NOC3L: variants seen among roughly 807,000 people sequenced by gnomAD.
NOC3L encodes NOC3 like DNA replication regulator, also known as nucleolar complex protein 3 homolog.
NOC3L carries 85 observed loss-of-function variants against 102.5 expected under a neutral mutation model. That is an observed-to-expected ratio of 0.83 (90% confidence interval 0.70 to 0.99). The LOEUF is 0.99. Among genes scored for constraint, NOC3L ranks in the 50% least tolerant of loss-of-function variants. NOC3L has a pLI of 0.00. For missense variants in NOC3L, 878 were observed against 914.9 expected (o/e 0.96, Z 0.52); for synonymous variants, 303 against 309.4 (o/e 0.98, Z 0.22).
At chr10:94,350,413 A>C in intron 8 of NOC3L, 125 bp from the exon 9 acceptor site, 1 of 809,754 alleles carries the variant, frequency 1.2e-6, no homozygotes, top group Non-Finnish European at 2.0e-6. Context: ...CACACCCCTT[A>C]AAAAAAGACT....
chr10:94,350,399 T>G, intron 8 of NOC3L, 111 bp from the exon 9 acceptor site: 4 of 857,790 alleles, frequency 4.7e-6, no homozygotes, highest in Non-Finnish European at 5.6e-6. Context: ...CACACACACA[T>G]TCCCACACCC....
chr10:94,344,718 C>T lies in NOC3L; in HGVS notation c.1470+135G>A, dbSNP rs914702605. On this transcript the variant is annotated intron_variant, in intron 12 of 20. Transcript: ENST00000371361. ...TAGCACTGATCACATCACAGTTTCC[C>T]GCACATCACAAAAGTCACACATCTA... The T allele has an allele frequency of 3.2e-5, 23 of 714,104 alleles. No homozygotes were observed. The highest frequency in any genetic ancestry group is 4.4e-5 in the Non-Finnish European group (19 of 430,478). 44.2% of individuals were successfully genotyped at this position (714,104 alleles called of 1,614,324 possible).
the NOC3L span, among the ~76,000 whole-genome samples, chr10:94,320,124 C>G: frequency 3.3e-5 from 5 of 152,038 alleles, no homozygotes; most frequent in African/African-American, 4.8e-5. Context: ...TGTGAATTAC[C>G]TCTCAATCTT....
chr10:94,337,011 G>T (rs2054226736), intron 19 of NOC3L, among the ~76,000 whole-genome samples: 1 of 150,814 alleles, frequency 6.6e-6, no homozygotes, highest in Non-Finnish European at 1.5e-5. Flanking sequence ...GGAGGTTGCA[G>T]TGAGCCGAAA....
chr10:94,343,421 G>A lies in NOC3L; in HGVS notation c.1571+994C>T, dbSNP rs556009593. Among the ~76,000 whole-genome samples, 3 of 152,242 alleles carry A rather than the reference G, an allele frequency of 2.0e-5. No individual in the cohort carries two copies. The South Asian group carries it at 6.2e-4, about 32-fold the overall frequency. On this transcript the variant is annotated intron_variant, in intron 13 of 20. Transcript: ENST00000371361. ...AAACAGCAAGTCCTACACAATGTAG[G>A]AATAATCCCTTCTCTGACCAGCCTC...
rs774737462 is a variant in NOC3L, at chr10:94,350,242, C to G, written c.999G>C (p.Lys333Asn). The G allele has an allele frequency of 6.2e-7, 1 of 1,614,144 alleles. No individual in the cohort carries two copies. Among genetic ancestry groups the G allele is most frequent in the East Asian group, 2.2e-5 (1 of 44,884 alleles). ...KLKKSNVVSL[K>N]AYKGLAEVAV... ...CGACTTCTGCCAGTCCTTTGTATGC[C>G]TTTAAGGAAACTACATTACTTTTCT... The change falls in exon 9 of 21, where the codon AAG becomes AAC. Residue 333 changes from lysine to asparagine, a missense_variant. By Grantham distance (94) the Lys-to-Asn change is moderately conservative (BLOSUM62 0). Coordinates refer to ENST00000371361, the MANE Select transcript of NOC3L (RefSeq NM_022451.11).
chr10:94,335,030 A>C (rs1290317320), intron 19 of NOC3L, among the ~76,000 whole-genome samples: 1 of 152,232 alleles, frequency 6.6e-6, no homozygotes, highest in East Asian at 1.9e-4. Flanking sequence ...GCAACTAAGT[A>C]TATCTTAGTC....
At chr10:94,361,378 G>A in intron 2 of NOC3L, 1 of 389,194 alleles carries the variant, frequency 2.6e-6, no homozygotes, top group East Asian at 4.9e-5. Flanking sequence ...CAATATTTAT[G>A]TAACGGAGTA....
chr10:94,326,911 A>T, the NOC3L span, among the ~76,000 whole-genome samples: 2 of 152,190 alleles, frequency 1.3e-5, no homozygotes, highest in Non-Finnish European at 2.9e-5. Flanking sequence ...CTGTAATCCC[A>T]GCACTTTGGG....
chr10:94,315,492 T>G, the NOC3L span: 1 of 455,856 alleles, frequency 2.2e-6, no homozygotes, highest in East Asian at 6.9e-5. Context: ...GAAAATACAT[T>G]GGTAAAACTA....
At chr10:94,319,932 C>T in the NOC3L span, among the ~76,000 whole-genome samples, 6 of 137,450 alleles carry the variant, frequency 4.4e-5, no homozygotes, top group East Asian at 6.7e-4. Context: ...TGCAGTGGCG[C>T]GATCTCAGCT....
chr10:94,336,464 C>T (rs905116883), intron 19 of NOC3L, among the ~76,000 whole-genome samples: 1 of 151,956 alleles, frequency 6.6e-6, no homozygotes, highest in Non-Finnish European at 1.5e-5. Context: ...TCTCCTGCCT[C>T]AGCTTCCCAA....
In NOC3L at chr10:94,344,519, G is replaced by C. The variant is rs1037996897; in HGVS notation, c.1471-4C>G. ...CAATATTCAGAGTCTCTGTGTGCTG[G>C]CAGAGGAGACAGACAAAATGACTTT... On this transcript the variant is annotated splice_region_variant and splice_polypyrimidine_tract_variant and intron_variant, in intron 12 of 20. Transcript: ENST00000371361. 1.6e-5 allele frequency: 26 copies of C among 1,597,752 alleles called. No individual in the cohort carries two copies. Among genetic ancestry groups the C allele is most frequent in the Non-Finnish European group, 2.0e-5 (23 of 1,166,234 alleles).
At chr10:94,322,183 G>A in the NOC3L span, 10 of 902,252 alleles carry the variant, frequency 1.1e-5, no homozygotes, top group African/African-American at 1.6e-5. Flanking sequence ...TCAAAGGGGA[G>A]TGTGTGCCTC....
chr10:94,328,090 T>G, the NOC3L span: 1 of 441,416 alleles, frequency 2.3e-6, no homozygotes, highest in Non-Finnish European at 4.7e-6. Context: ...GTGAGATCCA[T>G]GCTGAGGAGA....
intron 10 of NOC3L, among the ~76,000 whole-genome samples, chr10:94,348,058 T>C (rs949069895): frequency 1.6e-4 from 24 of 151,074 alleles, no homozygotes; most frequent in Non-Finnish European, 3.5e-4. Context: ...TTAAGCAGCA[T>C]TTTATATCAG....
At chr10:94,339,976 C>G in intron 16 of NOC3L, 56 bp from the exon 17 acceptor site, 1 of 1,431,816 alleles carries the variant, frequency 7.0e-7, no homozygotes, top group East Asian at 2.3e-5. Flanking sequence ...CATTACGCAA[C>G]TGGACTGAAC....
chr10:94,360,454 C>T (rs2054539507), intron 2 of NOC3L, among the ~76,000 whole-genome samples: 1 of 152,120 alleles, frequency 6.6e-6, no homozygotes, highest in Non-Finnish European at 1.5e-5. Flanking sequence ...GTTAAACAAG[C>T]TAGGCACAGA....
At chr10:94,354,514 C>A (rs1008199967) in intron 6 of NOC3L, among the ~76,000 whole-genome samples, 3 of 152,182 alleles carry the variant, frequency 2.0e-5, no homozygotes, top group African/African-American at 7.2e-5. Flanking sequence ...GGCACAATAA[C>A]ACTTTACTTT....
Sources: gnomAD v4.1 joint callset for allele counts (sites outside exome capture counted in the v4.1 genomes callset) on GRCh38, gnomAD v4.1.1 for gene constraint, MANE v1.5 for transcripts, NCBI Gene and HGNC (gene_info 2026-07-23, HGNC 2026-07-21) for gene names.